Variants in SBF2 observed in about 807,000 individuals in gnomAD.
SBF2 encodes myotubularin-related protein 13.
In SBF2, 112 loss-of-function variants were observed where a neutral mutation model predicts 225.2. That is an observed-to-expected ratio of 0.50 (90% CI 0.43 to 0.58). The LOEUF is 0.58. SBF2 is among the 20% of genes least tolerant of loss of function. SBF2 has a pLI of 0.00. For synonymous variants in SBF2, 763 were observed against 773.3 expected, an observed-to-expected ratio of 0.99 and a Z score of 0.22; for missense variants, 1,996 against 2,206.2, an observed-to-expected ratio of 0.90 and a Z score of 1.91.
At chr11:10,026,468 T>G (rs549088474) in intron 6 of SBF2, among the ~76,000 whole-genome samples, 2 of 152,308 alleles carry the variant, frequency 1.3e-5, no homozygotes, top group East Asian at 3.9e-4. Flanking sequence ...CAGTGGCTCA[T>G]GCCTATAATC....
chr11:10,117,768 G>C (rs926653978), intron 2 of SBF2, among the ~76,000 whole-genome samples: 2 of 150,112 alleles, frequency 1.3e-5, no homozygotes, highest in Non-Finnish European at 3.0e-5. Flanking sequence ...TTTCCATGTT[G>C]TTGGGTTTTT....
intron 17 of SBF2, among the ~76,000 whole-genome samples, chr11:9,860,070 T>C (rs1364699341): frequency 6.6e-6 from 1 of 152,170 alleles, no homozygotes; most frequent in Non-Finnish European, 1.5e-5. Flanking sequence ...TGGGAAATCA[T>C]GAACAAAATG....
At chr11:10,141,074 T>G (rs893761394) in intron 2 of SBF2, among the ~76,000 whole-genome samples, 1 of 152,206 alleles carries the variant, frequency 6.6e-6, no homozygotes, top group Non-Finnish European at 1.5e-5. Flanking sequence ...ATATCCTTAC[T>G]GTGTGGCAAA....
chr11:9,797,794 C>T (rs1490355958), intron 32 of SBF2, among the ~76,000 whole-genome samples: 1 of 152,158 alleles, frequency 6.6e-6, no homozygotes, highest in Non-Finnish European at 1.5e-5. Context: ...CATAGTGAGA[C>T]CTTTTCTCTA....
intron 2 of SBF2, among the ~76,000 whole-genome samples, chr11:10,170,236 T>A (rs1202384611): frequency 6.6e-6 from 1 of 152,222 alleles, no homozygotes; most frequent in Non-Finnish European, 1.5e-5. Context: ...CTCCCATGTT[T>A]TCATGTAGTA....
At chr11:9,947,829 C>T (rs1865652191) in intron 16 of SBF2, among the ~76,000 whole-genome samples, 1 of 151,856 alleles carries the variant, frequency 6.6e-6, no homozygotes, top group South Asian at 2.1e-4. Flanking sequence ...AACCCTTGTG[C>T]TGGTGGGAAT....
At chr11:10,133,848 G>A (rs113892589) in intron 2 of SBF2, among the ~76,000 whole-genome samples, 1 of 152,348 alleles carries the variant, frequency 6.6e-6, no homozygotes, top group African/African-American at 2.4e-5. Context: ...TCTGAGGACT[G>A]CCAGCACGCT....
At chr11:9,861,528 G>T (rs1186903587) in intron 17 of SBF2, among the ~76,000 whole-genome samples, 1 of 152,070 alleles carries the variant, frequency 6.6e-6, no homozygotes, top group Non-Finnish European at 1.5e-5. Context: ...GCTGGGTGTG[G>T]TGGCAGGCAC....
Position 9,886,876 on chromosome 11 carries a change from T to C in SBF2, c.1929+9067A>G, listed in dbSNP as rs561665016. On this transcript the variant is annotated intron_variant, in intron 17 of 39. Coordinates refer to ENST00000256190, the MANE Select transcript of SBF2 (RefSeq NM_030962.4). ...GTATTCTTACAGTACTTAGATTGTATCTGTTTTAGAATACACATGCTATAA... is the reference window on the plus strand; with the variant it reads ...GTATTCTTACAGTACTTAGATTGTACCTGTTTTAGAATACACATGCTATAA... Among the ~76,000 whole-genome samples, 32 of 152,274 alleles carry C rather than the reference T, an allele frequency of 2.1e-4. No individual in the cohort carries two copies. In the South Asian group the frequency reaches 5.8e-3, roughly 28 times the overall value.
intron 1 of SBF2, among the ~76,000 whole-genome samples, chr11:10,229,386 G>T (rs1221685720): frequency 6.6e-6 from 1 of 152,094 alleles, no homozygotes; most frequent in Non-Finnish European, 1.5e-5. Flanking sequence ...TGCTTTTCTA[G>T]TTCTTTTAAT....
intron 2 of SBF2, among the ~76,000 whole-genome samples, chr11:10,192,775 GT>G (rs1957223068): frequency 6.6e-6 from 1 of 152,124 alleles, no homozygotes; most frequent in South Asian, 2.1e-4. Context: ...TAAGTATCAT[GT>G]TATACCAAAT....
At chr11:9,971,991 G>A (rs1453478412) in intron 13 of SBF2, among the ~76,000 whole-genome samples, 1 of 152,156 alleles carries the variant, frequency 6.6e-6, no homozygotes, top group African/African-American at 2.4e-5. Context: ...AGAGATAGGT[G>A]GCATGACAAT....
intron 6 of SBF2, among the ~76,000 whole-genome samples, chr11:10,003,355 TTTTC>T (rs1297052004): frequency 6.9e-6 from 1 of 144,768 alleles, no homozygotes; most frequent in African/African-American, 2.5e-5. Context: ...ATTTTATGCT[TTTTC>T]TTTTTCTTTT....
At position 9,849,992 on chromosome 11, in the gene SBF2, A is replaced by C. The variant is rs543038332; in HGVS notation, c.2806+31T>G. The C allele has an allele frequency of 1.8e-5, 28 of 1,585,652 alleles. No homozygotes were observed. The South Asian group carries it at 2.8e-4, about 16-fold the overall frequency. On this transcript the variant is annotated intron_variant, in intron 22 of 39. Transcript: ENST00000256190. ...TCGAGACCTCATGTACCACACAGAT[A>C]CCCATGTTCTGATGGCATATCGAGT...
intron 2 of SBF2, among the ~76,000 whole-genome samples, chr11:10,125,652 G>A (rs990998870): frequency 4.6e-5 from 7 of 152,162 alleles, no homozygotes; most frequent in African/African-American, 1.7e-4. Context: ...GGGTACAGTT[G>A]TTTGAACTAA....
At chr11:9,816,441 T>C (rs1854462674) in intron 29 of SBF2, among the ~76,000 whole-genome samples, 1 of 152,194 alleles carries the variant, frequency 6.6e-6, no homozygotes, top group South Asian at 2.1e-4. Context: ...TATGTTTCTG[T>C]AGCCTGCTTT....
At chr11:10,037,021 A>G (rs1186703732) in intron 3 of SBF2, among the ~76,000 whole-genome samples, 2 of 152,184 alleles carry the variant, frequency 1.3e-5, no homozygotes, top group Non-Finnish European at 2.9e-5. Context: ...TTAAAGTCTT[A>G]TATCATTTTA....
intron 16 of SBF2, among the ~76,000 whole-genome samples, chr11:9,944,352 C>T (rs919163263): frequency 6.6e-6 from 1 of 152,256 alleles, no homozygotes; most frequent in Non-Finnish European, 1.5e-5. Context: ...ATATATTTTA[C>T]TATTGTTCTT....
chr11:10,159,137 G>A (rs563201223), intron 2 of SBF2, among the ~76,000 whole-genome samples: 47 of 152,284 alleles, frequency 3.1e-4, no homozygotes, highest in African/African-American at 1.1e-3. Flanking sequence ...GACAGTGAAA[G>A]AGATCTAACT....
Sources: allele counts gnomAD v4.1 joint callset (sites outside exome capture counted in the v4.1 genomes callset), GRCh38; gene constraint gnomAD v4.1.1; transcripts MANE v1.5; gene names NCBI Gene and HGNC (gene_info 2026-07-23, HGNC 2026-07-21).